Variants in BCL11A observed in about 807,000 individuals in gnomAD.
BCL11A encodes BCL11 transcription factor A.
BCL11A carries 2 observed loss-of-function variants against 55.9 expected under a neutral mutation model. That is an observed-to-expected ratio of 0.04 (90% CI 0.01 to 0.11). The LOEUF (loss-of-function observed/expected upper bound fraction) is 0.11, where lower values mean the gene tolerates loss of function less well. BCL11A is among the 10% of genes least tolerant of loss of function. The pLI, the probability that BCL11A is intolerant of heterozygous loss-of-function variation, is 1.00. For synonymous variants in BCL11A, 465 were observed against 473.4 expected (o/e 0.98, Z 0.23); for missense variants, 817 against 1,137.1 (o/e 0.72, Z 4.05).
chr2:60,502,042 G>T (rs1411547073), intron 2 of BCL11A, among the ~76,000 whole-genome samples: 1 of 152,162 alleles, frequency 6.6e-6, no homozygotes, highest in Non-Finnish European at 1.5e-5. Context: ...CTTCAGGGAG[G>T]AAAGGCCAGA....
At chr2:60,499,492 T>C (rs1679157632) in intron 2 of BCL11A, among the ~76,000 whole-genome samples, 1 of 152,186 alleles carries the variant, frequency 6.6e-6, no homozygotes, top group Non-Finnish European at 1.5e-5. Context: ...GCTGATTGAC[T>C]TGTCCGGGGC....
At chr2:60,453,698 T>C (rs531212795), downstream of BCL11A, among the ~76,000 whole-genome samples, 5 of 152,288 alleles carry the variant, frequency 3.3e-5, no homozygotes, top group South Asian at 2.1e-4. Context: ...CAAATTCTAA[T>C]AGACAAAGTA....
At chr2:60,495,131 T>C (rs1369712687) in intron 2 of BCL11A, among the ~76,000 whole-genome samples, 3 of 152,154 alleles carry the variant, frequency 2.0e-5, no homozygotes, top group African/African-American at 7.2e-5. Flanking sequence ...TAAAATCCAA[T>C]TCTCCATCAC....
chr2:60,516,305 G>C (rs987243835), intron 2 of BCL11A, among the ~76,000 whole-genome samples: 2 of 152,094 alleles, frequency 1.3e-5, no homozygotes, highest in African/African-American at 4.8e-5. Flanking sequence ...GGTTTTGCTG[G>C]AAACTCAAAA....
intron 2 of BCL11A, chr2:60,534,576 T>C (rs775850408): frequency 1.1e-4 from 16 of 152,216 alleles, no homozygotes; most frequent in African/African-American, 3.4e-4. Context: ...TATACTTAAA[T>C]TTTACAGTCT....
At chr2:60,540,574 T>C (rs1412189506) in intron 2 of BCL11A, among the ~76,000 whole-genome samples, 1 of 152,212 alleles carries the variant, frequency 6.6e-6, no homozygotes, top group African/African-American at 2.4e-5. Context: ...ACATTTTCAT[T>C]GAGAAATCAC....
chr2:60,519,772 C>T lies in BCL11A; in HGVS notation c.385+26199G>A, dbSNP rs188672752. 1.3e-3 allele frequency among the ~76,000 whole-genome samples: 194 copies of T among 152,324 alleles called. 2 individuals are homozygous for T. Among genetic ancestry groups the T allele is most frequent in the Admixed American group, 0.011 (164 of 15,304 alleles). ...ACGTGGGCATGGGACTGTGCTTATT[C>T]AGAAAGGGCTCCCAGTCACATCCTG... On this transcript the variant is annotated intron_variant, in intron 2 of 3. Transcript: ENST00000642384.
Position 60,459,670 on chromosome 2 carries a change from A to G in BCL11A, c.*734T>C, listed in dbSNP as rs1288496750. On this transcript the variant is annotated 3_prime_UTR_variant, in exon 4 of 4. Coordinates refer to ENST00000642384, the MANE Select transcript of BCL11A (RefSeq NM_022893.4). ...AGAACCATCGATGTGGTTTTAATAG[A>G]TCCAAGGCACTCATATTTTAAAACC... 6.8e-6 allele frequency: 7 copies of G among 1,033,924 alleles called. No individual in the cohort carries two copies. The African/African-American group carries it at 1.2e-4, about 17-fold the overall frequency. 64.0% of individuals were successfully genotyped at this position (1,033,924 alleles called of 1,614,324 possible). A position where few individuals can be genotyped will look rare whatever the true frequency, so the allele number is the denominator to read the frequency against.
At chr2:60,481,925 GA>G (rs914097070) in intron 2 of BCL11A, among the ~76,000 whole-genome samples, 2 of 152,144 alleles carry the variant, frequency 1.3e-5, no homozygotes, top group Non-Finnish European at 2.9e-5. Flanking sequence ...TCCAGCTCAG[GA>G]AACCCACCTA....
chr2:60,512,613 C>G (rs1668526566), intron 2 of BCL11A, among the ~76,000 whole-genome samples: 1 of 152,166 alleles, frequency 6.6e-6, no homozygotes, highest in African/African-American at 2.4e-5. Flanking sequence ...TCTGCCTCTC[C>G]TCTCAGCTCT....
intron 3 of BCL11A, among the ~76,000 whole-genome samples, chr2:60,463,437 C>G (rs559611912): frequency 1.3e-5 from 2 of 152,220 alleles, no homozygotes; most frequent in Non-Finnish European, 2.9e-5. Context: ...CAACATCCTG[C>G]GCCCTCGGCT....
intron 2 of BCL11A, among the ~76,000 whole-genome samples, chr2:60,469,876 G>A (rs1242476859): frequency 2.6e-5 from 4 of 152,154 alleles, no homozygotes; most frequent in Admixed American, 1.3e-4. Flanking sequence ...TAGAGGTTTG[G>A]AGTTCATGAT....
chr2:60,497,466 G>A (rs1445301647), intron 2 of BCL11A, among the ~76,000 whole-genome samples: 2 of 152,144 alleles, frequency 1.3e-5, no homozygotes, highest in African/African-American at 2.4e-5. Flanking sequence ...TTGAAGTCTA[G>A]ACTTAAACTG....
At chr2:60,455,195 T>C (rs1675885974), downstream of BCL11A, among the ~76,000 whole-genome samples, 3 of 152,216 alleles carry the variant, frequency 2.0e-5, no homozygotes. Context: ...AAGCATCAGT[T>C]CAGGTATGTA....
At chr2:60,540,330 G>A (rs1219899429) in intron 2 of BCL11A, among the ~76,000 whole-genome samples, 8 of 152,212 alleles carry the variant, frequency 5.3e-5, no homozygotes. Context: ...TGTAAAAACA[G>A]ACTTGGGCTT....
intron 2 of BCL11A, among the ~76,000 whole-genome samples, chr2:60,487,639 C>T (rs938471579): frequency 1.3e-5 from 2 of 152,126 alleles, no homozygotes; most frequent in African/African-American, 4.8e-5. Context: ...CTTAAGTTAG[C>T]CCTATTCTCT....
At chr2:60,509,055 C>G (rs750331298) in intron 2 of BCL11A, among the ~76,000 whole-genome samples, 2 of 152,196 alleles carry the variant, frequency 1.3e-5, no homozygotes, top group Non-Finnish European at 2.9e-5. Context: ...AAAAGTGGCT[C>G]AGACAGAAAC....
intron 2 of BCL11A, among the ~76,000 whole-genome samples, chr2:60,487,077 C>A (rs543296672): frequency 6.6e-6 from 1 of 152,368 alleles, no homozygotes; most frequent in South Asian, 2.1e-4. Flanking sequence ...AGTTTCCCTG[C>A]CTCCAACCTG....
At chr2:60,550,440 GAGA>G (rs569810627) in intron 1 of BCL11A, among the ~76,000 whole-genome samples, 2 of 152,156 alleles carry the variant, frequency 1.3e-5, no homozygotes, top group African/African-American at 4.8e-5. Context: ...CTCCCCGGAC[GAGA>G]ATCGCCGGGC....
Sources: allele counts gnomAD v4.1 joint callset (sites outside exome capture counted in the v4.1 genomes callset), GRCh38; gene constraint gnomAD v4.1.1; transcripts MANE v1.5; gene names NCBI Gene and HGNC (gene_info 2026-07-23, HGNC 2026-07-21).